Variants in MYO18B observed in about 807,000 individuals in gnomAD.
MYO18B encodes the protein myosin XVIIIB.
In MYO18B, 204 loss-of-function variants were observed where a neutral mutation model predicts 273.0. The ratio of observed to expected loss-of-function variants is 0.75; its 90% confidence interval spans 0.67 to 0.84. The LOEUF (loss-of-function observed/expected upper bound fraction) is 0.84, where lower values mean the gene tolerates loss of function less well. Among genes scored for constraint, MYO18B ranks in the 40% least tolerant of loss-of-function variants. MYO18B has a pLI of 0.00. For synonymous variants in MYO18B, 1,330 were observed against 1,305.7 expected, an observed-to-expected ratio of 1.02 and a Z score of -0.40; for missense variants, 3,212 against 3,287.6, an observed-to-expected ratio of 0.98 and a Z score of 0.56.
chr22:25,928,937 G>A (rs1045502356), intron 34 of MYO18B, among the ~76,000 whole-genome samples: 1 of 152,030 alleles, frequency 6.6e-6, no homozygotes, highest in Non-Finnish European at 1.5e-5. Context: ...CAAGGCGGGC[G>A]GGTCACCTGA....
chr22:25,959,805 C>T (rs1408645816), intron 39 of MYO18B, among the ~76,000 whole-genome samples: 1 of 152,176 alleles, frequency 6.6e-6, no homozygotes, highest in Admixed American at 6.5e-5. Context: ...TCAGAAAGGG[C>T]AGAGCTGGGA....
intron 7 of MYO18B, among the ~76,000 whole-genome samples, chr22:25,773,282 G>A (rs574186367): frequency 2.0e-5 from 3 of 152,126 alleles, no homozygotes; most frequent in Non-Finnish European, 4.4e-5. Context: ...CCCTCCCCTT[G>A]TGGAGTTGCT....
In MYO18B at chr22:25,796,144, C is replaced by G. The variant is rs535132269; in HGVS notation, c.2377-1809C>G. On this transcript the variant is annotated intron_variant, in intron 11 of 43. Coordinates refer to ENST00000335473, the MANE Select transcript of MYO18B (RefSeq NM_032608.7). Reference sequence around the variant, plus strand: ...CCTTTCCACCCAGCAGGCTTCTGGGCTGAGTGTCCTTGGCCAGATGGTGTG... The same window carrying G: ...CCTTTCCACCCAGCAGGCTTCTGGGGTGAGTGTCCTTGGCCAGATGGTGTG... Among the ~76,000 whole-genome samples, 43 of 152,292 alleles carry G rather than the reference C, an allele frequency of 2.8e-4. No individual in the cohort carries two copies. The South Asian group carries it at 8.9e-3, about 32-fold the overall frequency.
chr22:25,758,657 A>T (rs987799032), intron 1 of MYO18B, among the ~76,000 whole-genome samples: 2 of 152,172 alleles, frequency 1.3e-5, no homozygotes, highest in Non-Finnish European at 2.9e-5. Context: ...GGGCAAATTT[A>T]TAGGGATAGA....
intron 12 of MYO18B, among the ~76,000 whole-genome samples, chr22:25,810,386 C>T (rs187129768): frequency 7.1e-4 from 104 of 147,216 alleles, no homozygotes; most frequent in African/African-American, 2.5e-3. Context: ...GTGTGAGCCA[C>T]TGTGCCTGTC....
chr22:25,794,948 A>G (rs5761201), intron 11 of MYO18B, among the ~76,000 whole-genome samples: 113,364 of 152,206 alleles, frequency 0.74, 42,342 homozygotes, highest in East Asian at 0.86. Flanking sequence ...TAATTGTCTC[A>G]ACTTCTCTTA....
chr22:25,926,210 G>T (rs1039146029), intron 34 of MYO18B, among the ~76,000 whole-genome samples: 2 of 149,992 alleles, frequency 1.3e-5, no homozygotes, highest in Non-Finnish European at 1.5e-5. Context: ...GTCTCAAAAA[G>T]AAAAGAAAAA....
At chr22:25,986,453 T>A (rs1489899532) in intron 39 of MYO18B, among the ~76,000 whole-genome samples, 1 of 152,208 alleles carries the variant, frequency 6.6e-6, no homozygotes, top group African/African-American at 2.4e-5. Flanking sequence ...TTTGTTGCAA[T>A]AATCTCAGCT....
chr22:25,917,552 G>GTA lies in MYO18B; in HGVS notation c.5365-3704_5365-3703insAT, dbSNP rs1320519342. Among the ~76,000 whole-genome samples the GTA allele has an allele frequency of 4.7e-5, 7 of 150,380 alleles. No homozygotes were observed. In the South Asian group the frequency reaches 1.3e-3, roughly 28 times the overall value. Reference sequence around the variant, plus strand: ...ATTTTAAAGCTTTGTAGGGGTGTGTGTGTGTGTGTGTGTGTGTGTGTGTGT... The same window carrying GTA: ...ATTTTAAAGCTTTGTAGGGGTGTGTGTATGTGTGTGTGTGTGTGTGTGTGTGT... On this transcript the variant is annotated intron_variant, in intron 33 of 43. Coordinates refer to ENST00000335473, the MANE Select transcript of MYO18B (RefSeq NM_032608.7).
At chr22:25,754,478 A>T (rs1381457863) in intron 1 of MYO18B, among the ~76,000 whole-genome samples, 1 of 152,174 alleles carries the variant, frequency 6.6e-6, no homozygotes, top group East Asian at 1.9e-4. Context: ...TGAGGGTCCC[A>T]TGGAACCACT....
chr22:25,858,232 A>G (rs1486900796), intron 21 of MYO18B, among the ~76,000 whole-genome samples: 1 of 152,218 alleles, frequency 6.6e-6, no homozygotes, highest in East Asian at 1.9e-4. Flanking sequence ...ATCTCTCTCT[A>G]TGAATCCACG....
rs557504974 is a variant in MYO18B at position 26,020,023 on chromosome 22, T to A, written c.6471-6422T>A. On this transcript the variant is annotated intron_variant, in intron 42 of 43. Transcript: ENST00000335473. ...AGCCTTCTGCCCAGTAGGTGTGTGA[T>A]GTAGTGGAAGAAGAAGAATGGGATT... Among the ~76,000 whole-genome samples the A allele has an allele frequency of 3.3e-5, 5 of 152,198 alleles. No individual in the cohort carries two copies. The South Asian group carries it at 1.0e-3, about 32-fold the overall frequency.
intron 1 of MYO18B, among the ~76,000 whole-genome samples, chr22:25,760,433 A>AAC (rs2086271784): frequency 1.4e-5 from 2 of 146,358 alleles, no homozygotes; most frequent in African/African-American, 2.6e-5. Context: ...AAAAAAAAAA[A>AAC]ACACAAAAAC....
At chr22:25,959,278 T>C (rs986211264) in intron 39 of MYO18B, 1 of 150,634 alleles carries the variant, frequency 6.6e-6, no homozygotes, top group African/African-American at 2.4e-5. Flanking sequence ...TTTTTTTTTT[T>C]TTTTTTTTTT....
At chr22:25,956,232 T>C (rs1044517002) in intron 39 of MYO18B, among the ~76,000 whole-genome samples, 14 of 150,598 alleles carry the variant, frequency 9.3e-5, no homozygotes, top group Non-Finnish European at 2.1e-4. Context: ...TTTTTTTCCC[T>C]GGAGACAGAG....
At chr22:25,769,735 C>T (rs373421726) in intron 4 of MYO18B, among the ~76,000 whole-genome samples, 2 of 152,082 alleles carry the variant, frequency 1.3e-5, no homozygotes, top group African/African-American at 2.4e-5. Flanking sequence ...TGATGTCACA[C>T]GACAGCTTTC....
At chr22:26,011,331 G>A (rs1029511069) in intron 42 of MYO18B, among the ~76,000 whole-genome samples, 4 of 152,122 alleles carry the variant, frequency 2.6e-5, no homozygotes, top group African/African-American at 9.7e-5. Flanking sequence ...CAAGGGGACT[G>A]AAGGAGCCTC....
intron 34 of MYO18B, among the ~76,000 whole-genome samples, chr22:25,922,301 G>A (rs538425103): frequency 6.4e-4 from 98 of 152,158 alleles, no homozygotes; most frequent in Non-Finnish European, 1.2e-3. Context: ...AGGTGAGGCC[G>A]GAGCAGAGAC....
intron 3 of MYO18B, among the ~76,000 whole-genome samples, chr22:25,767,849 C>G (rs1159704932): frequency 7.0e-6 from 1 of 143,794 alleles, no homozygotes; most frequent in African/African-American, 2.6e-5. Context: ...GGTCACACAG[C>G]TATAGAGTGT....
Sources: gnomAD v4.1 joint callset for allele counts (sites outside exome capture counted in the v4.1 genomes callset) on GRCh38, gnomAD v4.1.1 for gene constraint, MANE v1.5 for transcripts, NCBI Gene and HGNC (gene_info 2026-07-23, HGNC 2026-07-21) for gene names.